POLA2: variants seen among roughly 807,000 people sequenced by gnomAD.
POLA2 encodes DNA polymerase alpha 2, accessory subunit, also known as DNA polymerase alpha subunit B.
A neutral mutation model predicts 82.8 loss-of-function variants in POLA2; 47 were observed. That is an observed-to-expected ratio of 0.57 (90% confidence interval 0.45 to 0.72). The LOEUF is 0.72. POLA2 is among the 30% of genes least tolerant of loss of function. The pLI is 0.00. For missense variants in POLA2, 634 were observed against 728.1 expected (o/e 0.87, Z 1.49); for synonymous variants, 287 against 286.8 (o/e 1.00, Z -0.01).
At chr11:65,304,193 A>G (rs906108960) in intron 8 of POLA2, among the ~76,000 whole-genome samples, 3 of 151,466 alleles carry the variant, frequency 2.0e-5, no homozygotes, top group East Asian at 3.9e-4. Context: ...TTACCTAACC[A>G]TCCATTCTTC....
intron 1 of POLA2, among the ~76,000 whole-genome samples, chr11:65,263,543 A>C (rs1949424365): frequency 6.6e-6 from 1 of 152,112 alleles, no homozygotes; most frequent in Admixed American, 6.5e-5. Context: ...TTAAAAGAAG[A>C]CTAGCCAGGT....
chr11:65,278,843 G>GGACT lies in POLA2; in HGVS notation c.575_576insGACT (p.Ser192ArgfsTer33). ...GGGAGAGGAGGAGCTGGAAACATCA[G>GGACT]CCTGAAGGTCTTGGGATGTCCAGAG... is the stretch of plus-strand genomic sequence containing the variant. On this transcript the variant is annotated frameshift_variant, in exon 6 of 18. Coordinates refer to ENST00000265465, the MANE Select transcript of POLA2 (RefSeq NM_002689.4). LOFTEE classifies it high-confidence loss of function. 1 of 1,613,870 alleles carries GGACT rather than the reference G, an allele frequency of 6.2e-7. No homozygotes were observed. Among genetic ancestry groups the GGACT allele is most frequent in the Middle Eastern group, 1.7e-4 (1 of 5,828 alleles).
In POLA2 at chr11:65,294,210, G is replaced by A. The variant is rs1590910435; in HGVS notation, c.1302G>A (p.Val434=). Residue 434 remains valine (V), a synonymous_variant, in exon 14 of 18, where the codon GTG becomes GTA. Transcript: ENST00000265465. ...PSLRDVHHEP[V]YPQPPFSYSD... ...TGAGAGATGTGCACCATGAGCCTGT[G>A]TACCCCCAGCCGCCTTTCAGCTACT... The A allele has an allele frequency of 6.2e-7, 1 of 1,614,092 alleles. No individual in the cohort carries two copies. The highest frequency in any genetic ancestry group is 8.5e-7 in the Non-Finnish European group (1 of 1,180,038).
At chr11:65,267,614 T>A in intron 3 of POLA2, 46 bp downstream of exon 3, 2 of 1,242,104 alleles carry the variant, frequency 1.6e-6, no homozygotes, top group Non-Finnish European at 2.3e-6. Context: ...ACATGTTGTA[T>A]TTTATAATTT....
At position 65,287,921 on chromosome 11, in the gene POLA2, T is replaced by A. The variant is rs1565486533; in HGVS notation, c.1131+81T>A. The A allele has an allele frequency of 3.0e-6, 4 of 1,329,780 alleles. No homozygotes were observed. In the East Asian group the frequency reaches 9.3e-5, roughly 31 times the overall value. The allele number at this position is 1,329,780 out of a possible 1,614,324, so 82.4% of individuals were successfully genotyped here. A position where few individuals can be genotyped will look rare whatever the true frequency, so the allele number is the denominator to read the frequency against. Reference sequence around the variant, plus strand: ...AAGTTCTAAATTTTTAGGAAGCATGTCAGTCCCTCCTCCTTTTAGAAAATA... The same window carrying A: ...AAGTTCTAAATTTTTAGGAAGCATGACAGTCCCTCCTCCTTTTAGAAAATA... On this transcript the variant is annotated intron_variant, in intron 11 of 17. Transcript: ENST00000265465.
chr11:65,294,274 A>G lies in POLA2; in HGVS notation c.1353+13A>G. On this transcript the variant is annotated intron_variant, in intron 14 of 17. Transcript: ENST00000265465. Reference sequence around the variant, plus strand: ...AGAGGACAAAAAGGTAGCAGCACCCACTCCTTGACCAGCAGGCAGCCAGAA... The same window carrying G: ...AGAGGACAAAAAGGTAGCAGCACCCGCTCCTTGACCAGCAGGCAGCCAGAA... The G allele has an allele frequency of 1.9e-6, 3 of 1,599,348 alleles. No individual in the cohort carries two copies. Among genetic ancestry groups the G allele is most frequent in the Non-Finnish European group, 2.6e-6 (3 of 1,166,892 alleles).
At chr11:65,304,184 T>C (rs2137623883) in intron 8 of POLA2, among the ~76,000 whole-genome samples, 1 of 151,740 alleles carries the variant, frequency 6.6e-6, no homozygotes, top group South Asian at 2.1e-4. Flanking sequence ...CCCATCCATT[T>C]ACCTAACCAT....
chr11:65,264,628 G>A (rs545953772), intron 1 of POLA2, among the ~76,000 whole-genome samples: 4 of 152,204 alleles, frequency 2.6e-5, no homozygotes, highest in South Asian at 4.1e-4. Flanking sequence ...AGAAAACTTC[G>A]ATCAGCTACC....
At chr11:65,295,663 A>G (rs1949802426) in intron 16 of POLA2, 64 bp downstream of exon 16, 1 of 1,449,370 alleles carries the variant, frequency 6.9e-7, no homozygotes, top group Non-Finnish European at 9.7e-7. Context: ...AGCTATGACA[A>G]GCATGACTGT....
At position 65,292,408 on chromosome 11, in the gene POLA2, C is replaced by A. The variant is rs77069101; in HGVS notation, c.1245-1745C>A. 6.8e-4 allele frequency among the ~76,000 whole-genome samples: 103 copies of A among 152,340 alleles called. 1 individual carries two copies. The East Asian group carries it at 0.012, about 18-fold the overall frequency. ...TGATCCCTCCTTCTATAGGCGCTTT[C>A]TAACCATGAGCAGGAAGGCTATTTC... On this transcript the variant is annotated intron_variant, in intron 13 of 17. Transcript: ENST00000265465.
chr11:65,298,430 A>C lies in POLA2; in HGVS notation c.*1161A>C, dbSNP rs1590913720. 1 of 152,420 alleles carries C rather than the reference A, an allele frequency of 6.6e-6. No individual in the cohort carries two copies. The highest frequency in any genetic ancestry group is 3.4e-3 in the Middle Eastern group (1 of 294). The allele number at this position is 152,420 out of a possible 1,614,324, so 9.4% of individuals were successfully genotyped here. Reference sequence around the variant, plus strand: ...ATCTGGGGAAAAGCTGTCACTGGCCAGACGTGGAGTGGCTTCCTGCCCTAA... The same window carrying C: ...ATCTGGGGAAAAGCTGTCACTGGCCCGACGTGGAGTGGCTTCCTGCCCTAA... On this transcript the variant is annotated 3_prime_UTR_variant, in exon 18 of 18. Coordinates refer to ENST00000265465, the MANE Select transcript of POLA2 (RefSeq NM_002689.4).
At position 65,262,202 on chromosome 11, in the gene POLA2, CGAG is replaced by C; in HGVS notation, c.-87_-85del. The C allele has an allele frequency of 1.1e-6, 1 of 931,736 alleles. No individual in the cohort carries two copies. Among genetic ancestry groups the C allele is most frequent in the Non-Finnish European group, 1.7e-6 (1 of 586,410 alleles). The allele number at this position is 931,736 out of a possible 1,614,324, so 57.7% of individuals were successfully genotyped here. A position where few individuals can be genotyped will look rare whatever the true frequency, so the allele number is the denominator to read the frequency against. ...CGCGGAGGGGGGAAGGATAAGAGGG[CGAG>C]GAGCTCATCGCTCGCCACCCCCGTG... On this transcript the variant is annotated 5_prime_UTR_variant, in exon 1 of 18. Transcript: ENST00000265465.
At chr11:65,281,226 C>A in intron 8 of POLA2, 79 bp downstream of exon 8, 1 of 1,436,280 alleles carries the variant, frequency 7.0e-7, no homozygotes, top group Non-Finnish European at 9.6e-7. Context: ...TGCGCAGCTG[C>A]TCCTCAGTTC....
At chr11:65,296,864 G>A (rs551219198) in intron 17 of POLA2, among the ~76,000 whole-genome samples, 2 of 150,960 alleles carry the variant, frequency 1.3e-5, no homozygotes, top group African/African-American at 2.4e-5. Context: ...CAGGAGAATC[G>A]CTGGAACCCG....
At chr11:65,291,732 T>C (rs1360746237) in intron 13 of POLA2, among the ~76,000 whole-genome samples, 1 of 152,080 alleles carries the variant, frequency 6.6e-6, no homozygotes, top group African/African-American at 2.4e-5. Context: ...TTGACAGCAG[T>C]GATAGAAATA....
At chr11:65,264,565 CCTCA>C (rs1348309906) in intron 1 of POLA2, among the ~76,000 whole-genome samples, 2 of 152,098 alleles carry the variant, frequency 1.3e-5, no homozygotes, top group Non-Finnish European at 2.9e-5. Context: ...TCTGTCCCAC[CCTCA>C]CTCTCAGCTG....
chr11:65,296,026 G>A (rs1461803694), intron 17 of POLA2, 36 bp downstream of exon 17: 5 of 1,613,274 alleles, frequency 3.1e-6, no homozygotes, highest in Non-Finnish European at 3.4e-6. Flanking sequence ...AGAAACACCA[G>A]AACCCAGTCT....
At chr11:65,294,119 TCTCA>T in intron 13 of POLA2, 30 bp from the exon 14 acceptor site, 1 of 1,580,982 alleles carries the variant, frequency 6.3e-7, no homozygotes, top group Non-Finnish European at 8.7e-7. Flanking sequence ...CACTCACTTT[TCTCA>T]CTCTTCTGTT....
At chr11:65,276,415 A>G (rs1240048624) in intron 5 of POLA2, among the ~76,000 whole-genome samples, 3 of 151,916 alleles carry the variant, frequency 2.0e-5, no homozygotes, top group African/African-American at 7.3e-5. Flanking sequence ...AAAGAAAAGC[A>G]CATATCTTTG....
Sources: allele counts gnomAD v4.1 joint callset (sites outside exome capture counted in the v4.1 genomes callset), GRCh38; gene constraint gnomAD v4.1.1; transcripts MANE v1.5; gene names NCBI Gene and HGNC (gene_info 2026-07-23, HGNC 2026-07-21).